Variants in PCM1 observed in about 807,000 individuals in gnomAD.
PCM1 encodes pericentriolar material 1 protein.
A neutral mutation model predicts 241.9 loss-of-function variants in PCM1; 157 were observed. The ratio of observed to expected loss-of-function variants is 0.65; its 90% CI spans 0.57 to 0.74. The LOEUF (loss-of-function observed/expected upper bound fraction) is 0.74, where lower values mean the gene tolerates loss of function less well. PCM1 is among the 30% of genes least tolerant of loss of function. The pLI is 0.00. For missense variants in PCM1, 3,478 were observed against 2,360.1 expected (o/e 1.47, Z -9.81); for synonymous variants, 1,085 against 784.9 (o/e 1.38, Z -6.39).
At chr8:17,966,551 A>T in intron 20 of PCM1, 78 bp downstream of exon 20, 3 of 1,337,894 alleles carry the variant, frequency 2.2e-6, no homozygotes, top group Non-Finnish European at 3.1e-6. Flanking sequence ...CTTCTGGGAG[A>T]AAAGAGCAAG....
intron 6 of PCM1, among the ~76,000 whole-genome samples, chr8:17,943,612 T>G (rs2062874179): frequency 6.6e-6 from 1 of 152,218 alleles, no homozygotes; most frequent in South Asian, 2.1e-4. Flanking sequence ...TGATTATTAT[T>G]CTTTTTTGAA....
chr8:17,978,204 T>C (rs1013205271), intron 23 of PCM1, among the ~76,000 whole-genome samples: 10 of 152,136 alleles, frequency 6.6e-5, no homozygotes, highest in African/African-American at 2.2e-4. Flanking sequence ...GGAAGAATTA[T>C]GTCATTAAAT....
chr8:17,992,920 GC>G (rs2085270103), intron 28 of PCM1, among the ~76,000 whole-genome samples: 1 of 144,070 alleles, frequency 6.9e-6, no homozygotes, highest in Non-Finnish European at 1.5e-5. Context: ...CTTGGCCTTA[GC>G]CCACTTTTTG....
intron 25 of PCM1, 129 bp downstream of exon 25, chr8:17,985,748 T>C: frequency 1.2e-6 from 1 of 838,146 alleles, no homozygotes; most frequent in Non-Finnish European, 1.8e-6. Context: ...TTTCTTGACA[T>C]TTTATTTAAA....
At chr8:17,957,486 TG>T (rs1188343868) in intron 12 of PCM1, 53 bp from the exon 13 acceptor site, 122 of 1,604,866 alleles carry the variant, frequency 7.6e-5, no homozygotes, top group Non-Finnish European at 1.0e-4. Flanking sequence ...TTTTCGTTCA[TG>T]TGTGCTCTTT....
chr8:18,015,226 AACAGAATCTTT>A (rs2093013119), intron 36 of PCM1, among the ~76,000 whole-genome samples: 1 of 149,940 alleles, frequency 6.7e-6, no homozygotes, highest in South Asian at 2.1e-4. Flanking sequence ...ACAGTTTGAC[AACAGAATCTTT>A]ATACAGTGAA....
At chr8:18,003,158 T>C (rs1215970173) in intron 29 of PCM1, among the ~76,000 whole-genome samples, 1 of 152,216 alleles carries the variant, frequency 6.6e-6, no homozygotes, top group Non-Finnish European at 1.5e-5. Flanking sequence ...AAATACAAGA[T>C]CCATGACATC....
chr8:18,026,861 C>CATTA (rs2094261029), intron 38 of PCM1, among the ~76,000 whole-genome samples: 1 of 152,180 alleles, frequency 6.6e-6, no homozygotes, highest in Non-Finnish European at 1.5e-5. Flanking sequence ...CATATTCTTA[C>CATTA]ATTACTAAGG....
Position 17,972,754 on chromosome 8 carries a change from C to T in PCM1, c.3943+67C>T, listed in dbSNP as rs1286200174. The T allele has an allele frequency of 4.7e-5, 44 of 945,340 alleles. No homozygotes were observed. The East Asian group carries it at 1.2e-3, about 25-fold the overall frequency. 58.6% of individuals were successfully genotyped at this position (945,340 alleles called of 1,614,324 possible). A position where few individuals can be genotyped will look rare whatever the true frequency, so the allele number is the denominator to read the frequency against. On this transcript the variant is annotated intron_variant, in intron 23 of 38. Coordinates refer to ENST00000325083, the MANE Select transcript of PCM1 (RefSeq NM_006197.4). ...TGGTAATCTTACTTTGACATGTTGA[C>T]ATAGATATAGTTTCAGTAAGGCTAG...
intron 2 of PCM1, among the ~76,000 whole-genome samples, chr8:17,930,189 C>CGCCTCCT (rs2058550113): frequency 1.3e-5 from 2 of 151,544 alleles, no homozygotes; most frequent in East Asian, 3.9e-4. Flanking sequence ...CTACAAGCTC[C>CGCCTCCT]GCCTCCTGGG....
Position 17,934,365 on chromosome 8 carries a change from C to T in PCM1, c.-22-1224C>T, listed in dbSNP as rs575806198. Among the ~76,000 whole-genome samples the T allele has an allele frequency of 1.4e-4, 22 of 151,818 alleles. 1 individual carries two copies. In the Middle Eastern group the frequency reaches 0.01, roughly 71 times the overall value. On this transcript the variant is annotated intron_variant, in intron 2 of 38. Transcript: ENST00000325083. ...CAACCTTGGCTTCCTCTGTTGAAGC[C>T]ATACTCCTGCCTCAGCCTCCCGAGT... is the stretch of plus-strand genomic sequence containing the variant.
rs2087511969 is a variant in PCM1 at position 17,997,886 on chromosome 8, A to AG, written c.4827+4268dup. On this transcript the variant is annotated intron_variant, in intron 29 of 38. Coordinates refer to ENST00000325083, the MANE Select transcript of PCM1 (RefSeq NM_006197.4). ...CTACAACATACAAAAAAAAAAAAAA[A>AG]GTAGCTGGACATGGTGGTGCGCACC... Among the ~76,000 whole-genome samples the AG allele has an allele frequency of 2.0e-5, 3 of 151,416 alleles. No homozygotes were observed. In the South Asian group the frequency reaches 6.3e-4, roughly 32 times the overall value.
At chr8:18,025,846 T>C (rs2129489772) in intron 38 of PCM1, among the ~76,000 whole-genome samples, 188 bp downstream of exon 38, 1 of 152,306 alleles carries the variant, frequency 6.6e-6, no homozygotes, top group South Asian at 2.1e-4. Context: ...AATTTTTTTC[T>C]ATTCACATCT....
intron 2 of PCM1, chr8:17,934,895 A>G (rs551560699): frequency 6.6e-6 from 1 of 152,278 alleles, no homozygotes; most frequent in African/African-American, 2.4e-5. Flanking sequence ...TTTCACATGT[A>G]CAAGCAAAAA....
chr8:17,943,817 A>G (rs2062960104), intron 6 of PCM1, among the ~76,000 whole-genome samples: 1 of 152,096 alleles, frequency 6.6e-6, no homozygotes, highest in East Asian at 1.9e-4. Context: ...TTTCCTCCTT[A>G]GAATCTTTTC....
Position 17,937,200 on chromosome 8 carries a change from G to C in PCM1, c.163G>C (p.Glu55Gln). The change falls in exon 4 of 39, where the codon GAA (glutamate) becomes CAA (glutamine). Residue 55 changes from glutamate to glutamine, a missense_variant. By Grantham distance (29) the Glu-to-Gln change is conservative. Coordinates refer to ENST00000325083, the MANE Select transcript of PCM1 (RefSeq NM_006197.4). ...AAAGAATAAGAAAAAGTTTGGTGTA[G>C]AAAGTGATAAAAGAGTAACCAATGA... ...SEKNKKKFGVESDKRVTNDIS... is the reference protein window; with the variant it reads ...SEKNKKKFGVQSDKRVTNDIS... The C allele has an allele frequency of 6.2e-7, 1 of 1,601,230 alleles. No homozygotes were observed. The highest frequency in any genetic ancestry group is 1.7e-5 in the Admixed American group (1 of 58,208).
intron 2 of PCM1, chr8:17,925,973 A>C (rs1436786432): frequency 6.6e-6 from 1 of 151,908 alleles, no homozygotes; most frequent in Non-Finnish European, 1.5e-5. Context: ...TAGTTGATGT[A>C]TATCTTAATT....
At chr8:17,937,055 C>G (rs2060637162) in intron 3 of PCM1, 79 bp from the exon 4 acceptor site, 3 of 1,146,176 alleles carry the variant, frequency 2.6e-6, no homozygotes, top group East Asian at 2.6e-5. Context: ...TTAAAACTGA[C>G]CAAAACTTTT....
Position 17,955,481 on chromosome 8 carries a change from A to G in PCM1, c.1300A>G (p.Arg434Gly), listed in dbSNP as rs370698029. The part of the protein sequence containing the change: ...HLNNSSSSPQ[R>G]SVDQRSTSAP... Reference sequence around the variant, plus strand: ...TGTGCCTTCTTCAGCCTCTCCACAAAGGAGTGTCGATCAGAGAAGTACTTC... The same window carrying G: ...TGTGCCTTCTTCAGCCTCTCCACAAGGGAGTGTCGATCAGAGAAGTACTTC... Residue 434 changes from arginine to glycine, a missense_variant, in exon 10 of 39, where the codon AGG becomes GGG. By Grantham distance (125) the Arg-to-Gly change is moderately radical. Transcript: ENST00000325083. 1.9e-6 allele frequency: 3 copies of G among 1,605,672 alleles called. No homozygotes were observed. The highest frequency in any genetic ancestry group is 2.6e-6 in the Non-Finnish European group (3 of 1,176,472).
Sources: gnomAD v4.1 joint callset for allele counts (sites outside exome capture counted in the v4.1 genomes callset) on GRCh38, gnomAD v4.1.1 for gene constraint, MANE v1.5 for transcripts, NCBI Gene and HGNC (gene_info 2026-07-23, HGNC 2026-07-21) for gene names.